FREM1: variants seen among roughly 807,000 people sequenced by gnomAD.
The protein encoded by FREM1 is FRAS1 related extracellular matrix 1.
Under a neutral mutation model 210.1 loss-of-function variants are expected in FREM1, and 220 were observed. That is an observed-to-expected ratio of 1.05 (90% confidence interval 0.94 to 1.17). The LOEUF (loss-of-function observed/expected upper bound fraction) is 1.17. FREM1 is among the 50% of genes most tolerant of loss of function. The pLI is 0.00. For missense variants in FREM1, 3,454 were observed against 2,675.5 expected, an observed-to-expected ratio of 1.29 and a Z score of -6.42; for synonymous variants, 1,189 against 980.2, an observed-to-expected ratio of 1.21 and a Z score of -3.98.
At chr9:14,834,645 T>C (rs925186968) in intron 10 of FREM1, among the ~76,000 whole-genome samples, 1 of 152,198 alleles carries the variant, frequency 6.6e-6, no homozygotes, top group Non-Finnish European at 1.5e-5. Flanking sequence ...GCCTGGCTTT[T>C]TGAATGGTTC....
At chr9:14,877,595 T>A (rs1391168993) in intron 1 of FREM1, among the ~76,000 whole-genome samples, 1 of 151,984 alleles carries the variant, frequency 6.6e-6, no homozygotes, top group East Asian at 1.9e-4. Context: ...ATGATTACAT[T>A]TTGTTATACA....
intron 28 of FREM1, among the ~76,000 whole-genome samples, chr9:14,757,458 G>C (rs917803721): frequency 6.6e-6 from 1 of 152,190 alleles, no homozygotes; most frequent in African/African-American, 2.4e-5. Context: ...GGGAGGCTGA[G>C]GCAGGAGAAG....
intron 10 of FREM1, among the ~76,000 whole-genome samples, chr9:14,826,233 G>A (rs975958693): frequency 2.0e-5 from 3 of 151,404 alleles, no homozygotes; most frequent in Middle Eastern, 3.2e-3. Flanking sequence ...CTGGGGCTAC[G>A]GGCTTCCACC....
At chr9:14,847,555 G>A (rs907095256) in intron 7 of FREM1, among the ~76,000 whole-genome samples, 2 of 152,034 alleles carry the variant, frequency 1.3e-5, no homozygotes, top group East Asian at 1.9e-4. Context: ...AAGGCATCAC[G>A]GAGCACAGCA....
At chr9:14,772,739 A>C (rs1313310890) in intron 25 of FREM1, among the ~76,000 whole-genome samples, 1 of 152,224 alleles carries the variant, frequency 6.6e-6, no homozygotes, top group Non-Finnish European at 1.5e-5. Context: ...TGAGGGAAGA[A>C]GCTCCCACAA....
chr9:14,746,557 T>G (rs1842473750), intron 34 of FREM1, 89 bp from the exon 35 acceptor site: 1 of 985,222 alleles, frequency 1.0e-6, no homozygotes, highest in Non-Finnish European at 1.6e-6. Context: ...TTCCCTAACT[T>G]CAGTCAAGTA....
intron 25 of FREM1, 103 bp from the exon 26 acceptor site, chr9:14,770,909 G>T: frequency 1.3e-6 from 1 of 772,464 alleles, no homozygotes; most frequent in Non-Finnish European, 2.2e-6. Flanking sequence ...CCACGTTTTG[G>T]ATTCCTTATA....
chr9:14,747,509 T>C, intron 32 of FREM1, 81 bp from the exon 33 acceptor site: 1 of 1,411,828 alleles, frequency 7.1e-7, no homozygotes. Flanking sequence ...AATTCAAAAA[T>C]TCAGTCAAAG....
chr9:14,793,545 G>C (rs982213622), intron 21 of FREM1, among the ~76,000 whole-genome samples: 1 of 152,182 alleles, frequency 6.6e-6, no homozygotes, highest in Admixed American at 6.5e-5. Context: ...GGTTTCTATA[G>C]CTCCTTTACT....
chr9:14,797,772 A>C, intron 20 of FREM1, 130 bp from the exon 21 acceptor site: 2 of 608,526 alleles, frequency 3.3e-6, no homozygotes, highest in Non-Finnish European at 5.4e-6. Context: ...AGTAGGGTGA[A>C]ATTAAACTTG....
intron 8 of FREM1, among the ~76,000 whole-genome samples, chr9:14,844,477 G>A (rs1040517003): frequency 2.6e-5 from 4 of 152,042 alleles, no homozygotes; most frequent in Non-Finnish European, 2.9e-5. Context: ...TGCCGGTCTC[G>A]GCCTCCCAAA....
chr9:14,859,457 T>A lies in FREM1; in HGVS notation c.357A>T (p.Glu119Asp), dbSNP rs1193613807. 1 of 1,613,366 alleles carries A rather than the reference T, an allele frequency of 6.2e-7. No homozygotes were observed. The highest frequency in any genetic ancestry group is 8.5e-7 in the Non-Finnish European group (1 of 1,179,542). ...GGAGATAGACCCACAGGATAAAAGTTTCTATGAAGGTATCTCTTTCAGTAA... is the reference window on the plus strand; with the variant it reads ...GGAGATAGACCCACAGGATAAAAGTATCTATGAAGGTATCTCTTTCAGTAA... Reference protein sequence around the residue: ...YRFTERDTFIETFILWVYLLE... With the variant: ...YRFTERDTFIDTFILWVYLLE... Residue 119 changes from glutamate (E) to aspartate (D), a missense_variant, in exon 4 of 37, where the codon GAA becomes GAT. Physicochemically the swap from Glu to Asp is conservative, Grantham distance 45. Coordinates refer to ENST00000380880, the MANE Select transcript of FREM1 (RefSeq NM_001379081.2).
At chr9:14,787,486 C>G (rs1304246797) in intron 23 of FREM1, among the ~76,000 whole-genome samples, 2 of 152,132 alleles carry the variant, frequency 1.3e-5, no homozygotes, top group Non-Finnish European at 2.9e-5. Flanking sequence ...GGGTGCAAAG[C>G]TAAAGTTTCT....
intron 35 of FREM1, among the ~76,000 whole-genome samples, 185 bp from the exon 36 acceptor site, chr9:14,740,419 T>A (rs951839530): frequency 1.3e-5 from 2 of 152,174 alleles, no homozygotes; most frequent in Non-Finnish European, 2.9e-5. Context: ...GTAGGTGACA[T>A]CAAAGAAAGT....
chr9:14,759,661 G>T, intron 28 of FREM1, 111 bp downstream of exon 28: 2 of 1,012,554 alleles, frequency 2.0e-6, no homozygotes, highest in South Asian at 2.0e-5. Flanking sequence ...GGATCTCCCT[G>T]CAATTTGAAA....
intron 10 of FREM1, among the ~76,000 whole-genome samples, chr9:14,827,042 T>C (rs1220682858): frequency 6.6e-6 from 1 of 152,222 alleles, no homozygotes; most frequent in Non-Finnish European, 1.5e-5. Flanking sequence ...AATGTGGAAG[T>C]AGCTTTAGAA....
At chr9:14,771,899 C>A (rs6474857) in intron 25 of FREM1, among the ~76,000 whole-genome samples, 135,533 of 152,086 alleles carry the variant, frequency 0.89, 61,268 homozygotes, top group Non-Finnish European at 0.97. Context: ...GAATAGAATT[C>A]GAATATAATT....
rs181704748 is a variant in FREM1, at chr9:14,814,087, C to T, written c.2641-1023G>A. ...TCTCTCCCCACTGCCCACGTCTCTT[C>T]CCCCTGGGAATTCTGTCCCCAACTC... On this transcript the variant is annotated intron_variant, in intron 15 of 36. Coordinates refer to ENST00000380880, the MANE Select transcript of FREM1 (RefSeq NM_001379081.2). 5.3e-3 allele frequency among the ~76,000 whole-genome samples: 803 copies of T among 152,272 alleles called. 4 individuals are homozygous for T. The highest frequency in any genetic ancestry group is 0.017 in the African/African-American group (716 of 41,550).
intron 25 of FREM1, among the ~76,000 whole-genome samples, chr9:14,772,958 C>T (rs1264791666): frequency 6.6e-6 from 1 of 152,142 alleles, no homozygotes; most frequent in Non-Finnish European, 1.5e-5. Context: ...TTTAAAAGGA[C>T]ATCTAAACTC....
Sources: allele counts gnomAD v4.1 joint callset (sites outside exome capture counted in the v4.1 genomes callset), GRCh38; gene constraint gnomAD v4.1.1; transcripts MANE v1.5; gene names NCBI Gene and HGNC (gene_info 2026-07-23, HGNC 2026-07-21).